The following FOXN2 variants were observed in gnomAD, a reference collection of about 807,000 sequenced individuals.
FOXN2 encodes forkhead box protein N2.
A neutral mutation model predicts 41.2 loss-of-function variants in FOXN2; 19 were observed. The ratio of observed to expected loss-of-function variants is 0.46; its 90% CI spans 0.32 to 0.68. The LOEUF (loss-of-function observed/expected upper bound fraction) is 0.68. Ranked by LOEUF, FOXN2 falls within the 30% of genes least tolerant of loss-of-function variation. FOXN2 has a pLI of 0.03. For synonymous variants in FOXN2, 195 were observed against 176.8 expected, an observed-to-expected ratio of 1.10 and a Z score of -0.82; for missense variants, 587 against 509.4, an observed-to-expected ratio of 1.15 and a Z score of -1.47.
intron 1 of FOXN2, among the ~76,000 whole-genome samples, chr2:48,325,658 T>C (rs963073861): frequency 6.6e-6 from 1 of 152,094 alleles, no homozygotes; most frequent in Non-Finnish European, 1.5e-5. Flanking sequence ...AGACAACAAA[T>C]ATTTGAGCAG....
chr2:48,334,788 G>T (rs767963846), intron 2 of FOXN2, among the ~76,000 whole-genome samples: 4 of 152,090 alleles, frequency 2.6e-5, no homozygotes, highest in Non-Finnish European at 5.9e-5. Flanking sequence ...TTAATTTGGA[G>T]CCCCATTGTA....
At chr2:48,338,314 A>T (rs928025173) in intron 2 of FOXN2, among the ~76,000 whole-genome samples, 2 of 152,172 alleles carry the variant, frequency 1.3e-5, no homozygotes, top group Non-Finnish European at 2.9e-5. Context: ...GCCCAGATAA[A>T]AGGCCTTGCA....
intron 4 of FOXN2, among the ~76,000 whole-genome samples, chr2:48,362,127 A>C (rs1476478795): frequency 6.6e-6 from 1 of 152,194 alleles, no homozygotes; most frequent in Non-Finnish European, 1.5e-5. Flanking sequence ...GAACATCCAA[A>C]TAGTTGTGAT....
At chr2:48,357,865 A>G (rs1201169815) in intron 3 of FOXN2, among the ~76,000 whole-genome samples, 7 of 50,778 alleles carry the variant, frequency 1.4e-4, no homozygotes, top group Non-Finnish European at 3.5e-4. Context: ...TTTTATTGAA[A>G]AAAAAAAAAA....
intron 3 of FOXN2, 80 bp from the exon 4 acceptor site, chr2:48,358,967 C>T: frequency 9.4e-7 from 1 of 1,065,292 alleles, no homozygotes; most frequent in Non-Finnish European, 1.4e-6. Context: ...TTATTTACCC[C>T]TGCACATTTA....
At chr2:48,354,365 G>T (rs1268788681) in intron 3 of FOXN2, among the ~76,000 whole-genome samples, 1 of 152,142 alleles carries the variant, frequency 6.6e-6, no homozygotes, top group African/African-American at 2.4e-5. Context: ...ACTTTTGGAG[G>T]CTGAGGTGGG....
At chr2:48,349,778 A>G (rs936884754) in intron 3 of FOXN2, among the ~76,000 whole-genome samples, 3 of 152,324 alleles carry the variant, frequency 2.0e-5, no homozygotes, top group South Asian at 4.1e-4. Flanking sequence ...TAAATAAATA[A>G]AATGTGACAG....
intron 2 of FOXN2, among the ~76,000 whole-genome samples, chr2:48,342,587 T>C (rs2104344796): frequency 6.6e-6 from 1 of 152,178 alleles, no homozygotes; most frequent in East Asian, 1.9e-4. Flanking sequence ...AATTTTTTAA[T>C]TTATGTATTT....
At chr2:48,314,517 G>A (rs544538814), upstream of FOXN2, 1 of 152,428 alleles carries the variant, frequency 6.6e-6, no homozygotes, top group Non-Finnish European at 1.5e-5. Flanking sequence ...AGGTGGGCGG[G>A]AACCGGGAGG....
At chr2:48,359,564 G>C (rs935904799) in intron 4 of FOXN2, among the ~76,000 whole-genome samples, 1 of 151,834 alleles carries the variant, frequency 6.6e-6, no homozygotes, top group East Asian at 1.9e-4. Flanking sequence ...AAAGTGCTGG[G>C]ATTACAGGCG....
At chr2:48,368,674 G>C (rs974553876) in intron 5 of FOXN2, among the ~76,000 whole-genome samples, 1 of 152,132 alleles carries the variant, frequency 6.6e-6, no homozygotes, top group South Asian at 2.1e-4. Context: ...CTTGGACAAC[G>C]GAGTGAGACC....
intron 3 of FOXN2, among the ~76,000 whole-genome samples, chr2:48,356,363 C>G (rs1013704601): frequency 2.0e-5 from 3 of 151,734 alleles, no homozygotes; most frequent in African/African-American, 7.3e-5. Context: ...ATCGTCCGAA[C>G]CTGGGAGGCG....
intron 5 of FOXN2, among the ~76,000 whole-genome samples, chr2:48,365,957 G>A (rs985728070): frequency 6.6e-6 from 1 of 152,142 alleles, no homozygotes; most frequent in Non-Finnish European, 1.5e-5. Context: ...AAGTGGATTA[G>A]ACATTCATTA....
chr2:48,370,546 A>G (rs1209545435), intron 5 of FOXN2, among the ~76,000 whole-genome samples: 1 of 151,866 alleles, frequency 6.6e-6, no homozygotes, highest in Non-Finnish European at 1.5e-5. Context: ...CCAACACTCT[A>G]TTTCCCTTTC....
intron 5 of FOXN2, among the ~76,000 whole-genome samples, chr2:48,372,763 T>A (rs530029980): frequency 6.6e-6 from 1 of 152,246 alleles, no homozygotes; most frequent in East Asian, 1.9e-4. Context: ...CAATAATAAT[T>A]ATTTTTGTTT....
chr2:48,378,823 T>C lies in FOXN2; in HGVS notation c.*3380T>C, dbSNP rs891574969. 6.6e-6 allele frequency: 1 copy of C among 152,540 alleles called. No homozygotes were observed. The highest frequency in any genetic ancestry group is 1.5e-5 in the Non-Finnish European group (1 of 67,976). The allele number at this position is 152,540 out of a possible 1,614,324, so 9.4% of individuals were successfully genotyped here. ...TTAATGTTATACCTGCCATTTTTTTTCTTAAAGCATATTCTTTGCATCTAA... is the reference window on the plus strand; with the variant it reads ...TTAATGTTATACCTGCCATTTTTTTCCTTAAAGCATATTCTTTGCATCTAA... On this transcript the variant is annotated 3_prime_UTR_variant, in exon 7 of 7. Coordinates refer to ENST00000340553, the MANE Select transcript of FOXN2 (RefSeq NM_002158.4).
In FOXN2 at chr2:48,364,290, C is replaced by G. The variant is rs536336612; in HGVS notation, c.703+1583C>G. Among the ~76,000 whole-genome samples, 222 of 152,238 alleles carry G rather than the reference C, an allele frequency of 1.5e-3. 1 individual carries two copies. Among genetic ancestry groups the G allele is most frequent in the African/African-American group, 5.2e-3 (217 of 41,550 alleles). On this transcript the variant is annotated intron_variant, in intron 5 of 6. Coordinates refer to ENST00000340553, the MANE Select transcript of FOXN2 (RefSeq NM_002158.4). ...TCACCCAGGCCAGAGGGCAATGGCA[C>G]AGTCATGACTCACCATAGCCTCACA...
intron 3 of FOXN2, among the ~76,000 whole-genome samples, chr2:48,351,476 C>T (rs1671443706): frequency 6.6e-6 from 1 of 152,162 alleles, no homozygotes; most frequent in African/African-American, 2.4e-5. Flanking sequence ...TATTACCTAG[C>T]ACAGTGGTCC....
At chr2:48,366,122 C>T (rs1239387902) in intron 5 of FOXN2, among the ~76,000 whole-genome samples, 1 of 151,992 alleles carries the variant, frequency 6.6e-6, no homozygotes, top group East Asian at 1.9e-4. Context: ...TTTGGGAGGC[C>T]GAGGTAGGTG....
Sources: gnomAD v4.1 joint callset for allele counts (sites outside exome capture counted in the v4.1 genomes callset) on GRCh38, gnomAD v4.1.1 for gene constraint, MANE v1.5 for transcripts, NCBI Gene and HGNC (gene_info 2026-07-23, HGNC 2026-07-21) for gene names.